Variants in LARS1 observed in about 807,000 individuals in gnomAD.
LARS1 encodes leucyl-tRNA synthetase 1, also known as leucine--tRNA ligase, cytoplasmic.
Under a neutral mutation model 162.8 loss-of-function variants are expected in LARS1, and 100 were observed. The ratio of observed to expected loss-of-function variants is 0.61; its 90% confidence interval spans 0.52 to 0.73. The LOEUF (loss-of-function observed/expected upper bound fraction) is 0.73, where lower values mean the gene tolerates loss of function less well. Ranked by LOEUF, LARS1 falls within the 30% of genes least tolerant of loss-of-function variation. LARS1 has a pLI of 0.00. For synonymous variants in LARS1, 457 were observed against 462.8 expected (o/e 0.99, Z 0.16); for missense variants, 1,258 against 1,408.9 (o/e 0.89, Z 1.71).
intron 28 of LARS1, among the ~76,000 whole-genome samples, chr5:146,124,379 T>G (rs566113202): frequency 3.7e-4 from 56 of 151,518 alleles, no homozygotes; most frequent in African/African-American, 1.3e-3. Flanking sequence ...ATTGTTTATT[T>G]AGACTGACTT....
Position 146,160,466 on chromosome 5 carries a change from G to A in LARS1, c.615C>T (p.Phe205=). Reference sequence around the variant, plus strand: ...AGTAAGGATTAACATCAGTGGTGATGAAGGAACGACGCCAGTCTACCTATA... The same window carrying A: ...AGTAAGGATTAACATCAGTGGTGATAAAGGAACGACGCCAGTCTACCTATA... The part of the protein sequence containing the change: ...MGLKVDWRRS[F]ITTDVNPYYD... The change falls in exon 7 of 32, where the codon TTC becomes TTT. Residue 205 remains phenylalanine, a synonymous_variant. Transcript: ENST00000394434. 6.4e-7 allele frequency: 1 copy of A among 1,557,756 alleles called. No individual in the cohort carries two copies. Among genetic ancestry groups the A allele is most frequent in the East Asian group, 2.5e-5 (1 of 40,448 alleles).
intron 25 of LARS1, 73 bp from the exon 26 acceptor site, chr5:146,129,191 T>C: frequency 7.7e-7 from 1 of 1,305,006 alleles, no homozygotes; most frequent in Non-Finnish European, 1.0e-6. Context: ...TTCTTGATTA[T>C]AGTTTCATAC....
chr5:146,135,955 T>C (rs1752483061), intron 21 of LARS1, among the ~76,000 whole-genome samples: 2 of 152,226 alleles, frequency 1.3e-5, no homozygotes, highest in African/African-American at 2.4e-5. Flanking sequence ...ACATGTGTAA[T>C]GATTCCACTA....
chr5:146,157,774 T>C lies in LARS1; in HGVS notation c.793A>G (p.Thr265Ala). 1 of 1,614,120 alleles carries C rather than the reference T, an allele frequency of 6.2e-7. No homozygotes were observed. Among genetic ancestry groups the C allele is most frequent in the African/African-American group, 1.3e-5 (1 of 75,060 alleles). Reference protein sequence around the residue: ...TGEGVGPQEYTLLKLKVLEPY... With the variant: ...TGEGVGPQEYALLKLKVLEPY... ...TCAAGCACCTTCAATTTGAGTAAAG[T>C]ATATTCCTGAGGTCCAACACCCTAA... The change falls in exon 9 of 32, where the codon ACT (threonine) becomes GCT (alanine). Residue 265 changes from threonine to alanine, a missense_variant. Transcript: ENST00000394434.
At chr5:146,166,439 G>A (rs1350513214) in intron 5 of LARS1, among the ~76,000 whole-genome samples, 2 of 152,196 alleles carry the variant, frequency 1.3e-5, no homozygotes, top group African/African-American at 4.8e-5. Flanking sequence ...GCCAGGCACA[G>A]AGGTATAAGC....
intron 21 of LARS1, among the ~76,000 whole-genome samples, chr5:146,138,584 C>T (rs1458857554): frequency 2.6e-5 from 4 of 151,536 alleles, no homozygotes; most frequent in Admixed American, 2.0e-4. Flanking sequence ...AAAAAGTAGC[C>T]GAGTGTGGTG....
intron 1 of LARS1, among the ~76,000 whole-genome samples, chr5:146,178,389 G>C (rs1447473571): frequency 6.6e-6 from 1 of 152,100 alleles, no homozygotes; most frequent in African/African-American, 2.4e-5. Context: ...CGAGGTGAGA[G>C]GATCACCTGA....
At chr5:146,125,424 A>G (rs895689750) in intron 28 of LARS1, among the ~76,000 whole-genome samples, 16 of 152,196 alleles carry the variant, frequency 1.1e-4, no homozygotes, top group African/African-American at 3.6e-4. Flanking sequence ...AGACACAAGA[A>G]TTAAAGGACA....
chr5:146,166,729 A>C (rs1431733573), intron 5 of LARS1, among the ~76,000 whole-genome samples: 1 of 152,204 alleles, frequency 6.6e-6, no homozygotes, highest in African/African-American at 2.4e-5. Context: ...AGAAGACTAG[A>C]GTAATAATTG....
rs377020148 is a variant in LARS1, at chr5:146,174,501, CAT to C, written c.126-1729_126-1728del. 6.2e-3 allele frequency among the ~76,000 whole-genome samples: 137 copies of C among 22,224 alleles called. 4 individuals are homozygous for C. The highest frequency in any genetic ancestry group is 0.027 in the African/African-American group (129 of 4,772). 14.6% of individuals were successfully genotyped at this position (22,224 alleles called of 152,430 possible). A position where few individuals can be genotyped will look rare whatever the true frequency, so the allele number is the denominator to read the frequency against. ...ATATATATCCATATATATATATATC[CAT>C]ATATATATATATATATCCATATATA... On this transcript the variant is annotated intron_variant, in intron 2 of 31. Coordinates refer to ENST00000394434, the MANE Select transcript of LARS1 (RefSeq NM_020117.11).
In LARS1 at chr5:146,132,902, C is replaced by CA. The variant is rs1561804096; in HGVS notation, c.2391dup (p.Ala798CysfsTer3). The CA allele has an allele frequency of 6.2e-7, 1 of 1,612,318 alleles. No individual in the cohort carries two copies. The stretch of plus-strand genomic sequence containing the variant: ...TGATTGGGATCTACAGATTACCTGG[C>CA]AAAAACTCTATCATTGAAAGTGCTG... On this transcript the variant is annotated frameshift_variant, in exon 23 of 32. Coordinates refer to ENST00000394434, the MANE Select transcript of LARS1 (RefSeq NM_020117.11). LOFTEE classifies it high-confidence loss of function.
chr5:146,114,061 G>T lies in LARS1; in HGVS notation c.*45C>A. On this transcript the variant is annotated 3_prime_UTR_variant, in exon 32 of 32. Coordinates refer to ENST00000394434, the MANE Select transcript of LARS1 (RefSeq NM_020117.11). Reference sequence around the variant, plus strand: ...CCAATCAGTAGACACAATCAGAGTAGTAGTATTCCTAAGAAACCAGGATAA... The same window carrying T: ...CCAATCAGTAGACACAATCAGAGTATTAGTATTCCTAAGAAACCAGGATAA... 1.4e-6 allele frequency: 2 copies of T among 1,414,236 alleles called. No individual in the cohort carries two copies. The highest frequency in any genetic ancestry group is 1.0e-6 in the Non-Finnish European group (1 of 999,822). The allele number at this position is 1,414,236 out of a possible 1,614,324, so 87.6% of individuals were successfully genotyped here.
intron 6 of LARS1, among the ~76,000 whole-genome samples, chr5:146,161,940 A>T (rs1581068639): frequency 6.6e-6 from 1 of 152,262 alleles, no homozygotes; most frequent in African/African-American, 2.4e-5. Context: ...TCATCCATTC[A>T]AGTTTTCTCA....
intron 31 of LARS1, among the ~76,000 whole-genome samples, chr5:146,116,755 A>G (rs566050198): frequency 1.3e-5 from 2 of 152,294 alleles, no homozygotes; most frequent in East Asian, 3.9e-4. Context: ...TTACCATCAG[A>G]TAGTTTACTC....
chr5:146,181,864 T>TTTTTTTTTG (rs1754874881), intron 1 of LARS1, among the ~76,000 whole-genome samples: 1 of 137,592 alleles, frequency 7.3e-6, no homozygotes, highest in Non-Finnish European at 1.5e-5. Context: ...TTTTTTTTTT[T>TTTTTTTTTG]TTTTTTTTTT....
chr5:146,123,736 T>C (rs1314023767), intron 29 of LARS1, among the ~76,000 whole-genome samples: 1 of 151,834 alleles, frequency 6.6e-6, no homozygotes, highest in Non-Finnish European at 1.5e-5. Context: ...GATATACAGT[T>C]TTTTAATGTA....
chr5:146,157,358 C>T, intron 10 of LARS1, 45 bp downstream of exon 10: 1 of 1,523,614 alleles, frequency 6.6e-7, no homozygotes, highest in Non-Finnish European at 9.1e-7. Flanking sequence ...TGAAATTTTC[C>T]TTGAAATTTA....
chr5:146,122,776 T>C (rs1445302495), intron 29 of LARS1, among the ~76,000 whole-genome samples, 189 bp from the exon 30 acceptor site: 1 of 152,046 alleles, frequency 6.6e-6, no homozygotes, highest in Non-Finnish European at 1.5e-5. Flanking sequence ...GTTTTAGATG[T>C]CTCATAGTAT....
chr5:146,124,688 G>C (rs552682051), intron 28 of LARS1, among the ~76,000 whole-genome samples: 6 of 151,968 alleles, frequency 3.9e-5, no homozygotes, highest in Non-Finnish European at 8.8e-5. Flanking sequence ...GAATCCTAGA[G>C]ATCCAAGTAC....
Sources: allele counts gnomAD v4.1 joint callset (sites outside exome capture counted in the v4.1 genomes callset), GRCh38; gene constraint gnomAD v4.1.1; transcripts MANE v1.5; gene names NCBI Gene and HGNC (gene_info 2026-07-23, HGNC 2026-07-21).